GAL3ST2: variants seen among roughly 807,000 people sequenced by gnomAD.
GAL3ST2 encodes beta-galactose-3-O-sulfotransferase 2.
Under a neutral mutation model 12.9 loss-of-function variants are expected in GAL3ST2, and 16 were observed. That is an observed-to-expected ratio of 1.24 (90% CI 0.84 to 1.88). The LOEUF (loss-of-function observed/expected upper bound fraction) is 1.88. GAL3ST2 is among the 40% of genes most tolerant of loss of function. The pLI is 0.00. For missense variants in GAL3ST2, 639 were observed against 571.8 expected, an observed-to-expected ratio of 1.12 and a Z score of -1.20; for synonymous variants, 302 against 273.9, an observed-to-expected ratio of 1.10 and a Z score of -1.01.
At chr2:241,790,753 T>C (rs1256534078) in intron 1 of GAL3ST2, among the ~76,000 whole-genome samples, 1 of 152,240 alleles carries the variant, frequency 6.6e-6, no homozygotes, top group Non-Finnish European at 1.5e-5. Flanking sequence ...TCTCCTTTGT[T>C]TTCCTTTCTT....
chr2:241,804,105 G>T lies in GAL3ST2; in HGVS notation c.1136G>T (p.Arg379Leu), dbSNP rs1699900777. Residue 379 changes from arginine to leucine, a missense_variant, in exon 4 of 4, where the codon CGC becomes CTC. Arg to Leu is a moderately radical substitution (Grantham distance 102). Transcript: ENST00000192314. Reference sequence around the variant, plus strand: ...ATGCCTGAGCTCCAGTACATGGCCCGCCTGTACGCCCTGCAGTTCCCGGAG... The same window carrying T: ...ATGCCTGAGCTCCAGTACATGGCCCTCCTGTACGCCCTGCAGTTCCCGGAG... ...LVMPELQYMARLYALQFPEKP... is the reference protein window; with the variant it reads ...LVMPELQYMALLYALQFPEKP... 2.0e-6 allele frequency: 3 copies of T among 1,519,136 alleles called. No individual in the cohort carries two copies. The highest frequency in any genetic ancestry group is 2.6e-6 in the Non-Finnish European group (3 of 1,133,276). 94.1% of individuals were successfully genotyped at this position (1,519,136 alleles called of 1,614,324 possible).
In GAL3ST2 at chr2:241,799,174, T is replaced by G; in HGVS notation, c.119+20T>G. 1 of 1,608,012 alleles carries G rather than the reference T, an allele frequency of 6.2e-7. No homozygotes were observed. Among genetic ancestry groups the G allele is most frequent in the East Asian group, 2.2e-5 (1 of 44,860 alleles). ...CACACCGTAAGTCCTGCCCCCACCA[T>G]AAGTCCTGCCCCGGGTACCTCCTAA... On this transcript the variant is annotated intron_variant, in intron 2 of 3. Coordinates refer to ENST00000192314, the MANE Select transcript of GAL3ST2 (RefSeq NM_022134.3).
Position 241,804,245 on chromosome 2 carries a change from G to T in GAL3ST2, c.*79G>T, listed in dbSNP as rs933362810. ...GTCACCGGGGAGGCCGGGGATCCTT[G>T]CAGGGCTTCTGGGGCGTTGGGAAAC... is the stretch of plus-strand genomic sequence containing the variant. On this transcript the variant is annotated 3_prime_UTR_variant, in exon 4 of 4. Transcript: ENST00000192314. The T allele has an allele frequency of 2.0e-5, 25 of 1,248,118 alleles. No individual in the cohort carries two copies. In the African/African-American group the frequency reaches 3.3e-4, roughly 17 times the overall value. 77.3% of individuals were successfully genotyped at this position (1,248,118 alleles called of 1,614,324 possible).
intron 1 of GAL3ST2, among the ~76,000 whole-genome samples, chr2:241,784,276 A>G (rs867056157): frequency 2.0e-5 from 3 of 152,112 alleles, no homozygotes; most frequent in Non-Finnish European, 2.9e-5. Context: ...CTCGTGATCC[A>G]CCTGCCTCGG....
rs1195208158 is a variant in GAL3ST2, at chr2:241,797,341, C to T, written c.30-1724C>T. 3.9e-5 allele frequency among the ~76,000 whole-genome samples: 6 copies of T among 152,056 alleles called. No homozygotes were observed. In the East Asian group the frequency reaches 7.7e-4, roughly 19 times the overall value. ...ATCCATGGAGCAGATCTGGGAGAGCCGATGTTCGTTATCGTGACTGTTTAG... is the reference window on the plus strand; with the variant it reads ...ATCCATGGAGCAGATCTGGGAGAGCTGATGTTCGTTATCGTGACTGTTTAG... On this transcript the variant is annotated intron_variant, in intron 1 of 3. Coordinates refer to ENST00000192314, the MANE Select transcript of GAL3ST2 (RefSeq NM_022134.3).
In GAL3ST2 at chr2:241,801,355, T is replaced by A; in HGVS notation, c.120-426T>A. 1 of 176,284 alleles carries A rather than the reference T, an allele frequency of 5.7e-6. No individual in the cohort carries two copies. Among genetic ancestry groups the A allele is most frequent in the Non-Finnish European group, 1.2e-5 (1 of 84,648 alleles). The allele number at this position is 176,284 out of a possible 1,614,324, so 10.9% of individuals were successfully genotyped here. On this transcript the variant is annotated intron_variant, in intron 2 of 3. Transcript: ENST00000192314. The surrounding 1 kb of genome is among the most constrained non-coding windows in gnomAD (Gnocchi z 4.4). The stretch of plus-strand genomic sequence containing the variant: ...GATGTGCCACATTTTCTTTACGGTC[T>A]CTATGTAACATTCACACCCGGCAGC...
chr2:241,779,641 C>T (rs965696726), intron 1 of GAL3ST2, among the ~76,000 whole-genome samples: 1 of 151,780 alleles, frequency 6.6e-6, no homozygotes, highest in African/African-American at 2.4e-5. Flanking sequence ...CCTGGAAAAT[C>T]GATACAGGCC....
At chr2:241,791,160 A>G (rs1699688849) in intron 1 of GAL3ST2, among the ~76,000 whole-genome samples, 1 of 152,206 alleles carries the variant, frequency 6.6e-6, no homozygotes, top group Non-Finnish European at 1.5e-5. Context: ...GGGCTGTGTC[A>G]TGGGCCATGG....
chr2:241,784,245 G>C lies in GAL3ST2; in HGVS notation c.29+7261G>C, dbSNP rs548307768. 2.0e-5 allele frequency among the ~76,000 whole-genome samples: 3 copies of C among 152,250 alleles called. No individual in the cohort carries two copies. In the South Asian group the frequency reaches 6.2e-4, roughly 32 times the overall value. Reference sequence around the variant, plus strand: ...AAACGGCATTTCACCGTGTTAGCCAGGATGGTCTCGATCTCCTAACCTCGT... The same window carrying C: ...AAACGGCATTTCACCGTGTTAGCCACGATGGTCTCGATCTCCTAACCTCGT... On this transcript the variant is annotated intron_variant, in intron 1 of 3. Coordinates refer to ENST00000192314, the MANE Select transcript of GAL3ST2 (RefSeq NM_022134.3).
chr2:241,789,849 G>C (rs955500210), intron 1 of GAL3ST2, among the ~76,000 whole-genome samples: 14 of 151,842 alleles, frequency 9.2e-5, no homozygotes, highest in African/African-American at 3.4e-4. Flanking sequence ...TGATAACAGT[G>C]AGACTCCATC....
At chr2:241,777,019 A>T (rs1699496987) in intron 1 of GAL3ST2, 35 bp downstream of exon 1, 1 of 1,467,120 alleles carries the variant, frequency 6.8e-7, no homozygotes, top group South Asian at 1.4e-5. Context: ...AGGTGGACAA[A>T]GCGCTTCATC....
chr2:241,790,071 A>G (rs949833524), intron 1 of GAL3ST2, among the ~76,000 whole-genome samples: 1 of 152,124 alleles, frequency 6.6e-6, no homozygotes, highest in African/African-American at 2.4e-5. Context: ...TTCCTTGTCA[A>G]TTGTGTCTTT....
Position 241,802,180 on chromosome 2 carries a change from C to T in GAL3ST2, c.375+144C>T. 1.8e-6 allele frequency: 2 copies of T among 1,092,852 alleles called. No individual in the cohort carries two copies. The highest frequency in any genetic ancestry group is 1.6e-5 in the South Asian group (1 of 61,240). The allele number at this position is 1,092,852 out of a possible 1,614,324, so 67.7% of individuals were successfully genotyped here. ...GAAGGCGGGTTGGGAGGGCCTGGGC[C>T]GCACGCCCTGCTGAGCCAACCCCTG... On this transcript the variant is annotated intron_variant, in intron 3 of 3. Coordinates refer to ENST00000192314, the MANE Select transcript of GAL3ST2 (RefSeq NM_022134.3). The surrounding 1 kb of genome is among the most constrained non-coding windows in gnomAD (Gnocchi z 4.8).
chr2:241,803,338 C>A lies in GAL3ST2; in HGVS notation c.376-7C>A. 6.3e-7 allele frequency: 1 copy of A among 1,587,302 alleles called. No homozygotes were observed. Among genetic ancestry groups the A allele is most frequent in the Admixed American group, 1.7e-5 (1 of 57,910 alleles). On this transcript the variant is annotated splice_region_variant and splice_polypyrimidine_tract_variant and intron_variant, in intron 3 of 3. Transcript: ENST00000192314. ...GGTCCGCAGCCCGCCTCTCTGTCGC[C>A]ACACAGGTGCAGAAAGTCATGCCCA...
chr2:241,799,302 C>T (rs1165606826), intron 2 of GAL3ST2, 148 bp downstream of exon 2: 7 of 747,356 alleles, frequency 9.4e-6, no homozygotes, highest in Non-Finnish European at 1.6e-5. Flanking sequence ...CTTGGGGGGA[C>T]CCTGAGAGTC....
intron 1 of GAL3ST2, among the ~76,000 whole-genome samples, chr2:241,784,038 T>C (rs1198125532): frequency 2.7e-5 from 4 of 150,352 alleles, no homozygotes; most frequent in Admixed American, 1.3e-4. Flanking sequence ...ATGTCTTCTT[T>C]TTTTTTTTTT....
intron 1 of GAL3ST2, among the ~76,000 whole-genome samples, chr2:241,784,000 G>T (rs945862288): frequency 1.3e-5 from 2 of 151,596 alleles, no homozygotes; most frequent in Non-Finnish European, 2.9e-5. Context: ...AATTCAAGCT[G>T]TAGCTATGGA....
intron 1 of GAL3ST2, among the ~76,000 whole-genome samples, chr2:241,788,738 G>C (rs567763006): frequency 6.6e-6 from 1 of 152,210 alleles, no homozygotes; most frequent in African/African-American, 2.4e-5. Context: ...GTTCATCCAG[G>C]AAACGCATGT....
chr2:241,801,346 TTTA>T lies in GAL3ST2; in HGVS notation c.120-434_120-432del. The T allele has an allele frequency of 5.8e-6, 1 of 171,776 alleles. No individual in the cohort carries two copies. Among genetic ancestry groups the T allele is most frequent in the South Asian group, 1.8e-4 (1 of 5,662 alleles). 10.6% of individuals were successfully genotyped at this position (171,776 alleles called of 1,614,324 possible). A position where few individuals can be genotyped will look rare whatever the true frequency, so the allele number is the denominator to read the frequency against. The stretch of plus-strand genomic sequence containing the variant: ...CGTGGTGTAGATGTGCCACATTTTC[TTTA>T]CGGTCTCTATGTAACATTCACACCC... On this transcript the variant is annotated intron_variant, in intron 2 of 3. Coordinates refer to ENST00000192314, the MANE Select transcript of GAL3ST2 (RefSeq NM_022134.3). The surrounding 1 kb of genome is among the most constrained non-coding windows in gnomAD (Gnocchi z 4.4).
Sources: gnomAD v4.1 joint callset for allele counts (sites outside exome capture counted in the v4.1 genomes callset) on GRCh38, gnomAD v4.1.1 for gene constraint, Gnocchi (gnomAD v3.1) non-coding constraint, MANE v1.5 for transcripts, NCBI Gene and HGNC (gene_info 2026-07-23, HGNC 2026-07-21) for gene names.